The following STARD13 variants were observed in gnomAD, a reference collection of about 807,000 sequenced individuals.
STARD13 encodes StAR related lipid transfer domain containing 13.
A neutral mutation model predicts 106.4 loss-of-function variants in STARD13; 62 were observed. That is an observed-to-expected ratio of 0.58 (90% CI 0.48 to 0.72). STARD13 has a LOEUF of 0.72. Ranked by LOEUF, STARD13 falls within the 30% of genes least tolerant of loss-of-function variation. STARD13 has a pLI of 0.00. For synonymous variants in STARD13, 565 were observed against 553.0 expected (o/e 1.02, Z -0.31); for missense variants, 1,387 against 1,424.0 (o/e 0.97, Z 0.42).
At chr13:33,393,307 C>T in the STARD13 span, among the ~76,000 whole-genome samples, 1 of 152,002 alleles carries the variant, frequency 6.6e-6, no homozygotes, top group Non-Finnish European at 1.5e-5. Context: ...ATGCAAAAAC[C>T]CAGGTTAGAT....
At chr13:33,475,434 T>A in the STARD13 span, among the ~76,000 whole-genome samples, 2 of 152,160 alleles carry the variant, frequency 1.3e-5, no homozygotes, top group Admixed American at 6.5e-5. Flanking sequence ...TCCTACGCAT[T>A]TCCAACAATT....
chr13:33,545,830 C>T, the STARD13 span, among the ~76,000 whole-genome samples: 1 of 152,196 alleles, frequency 6.6e-6, no homozygotes, highest in African/African-American at 2.4e-5. Flanking sequence ...TGGAAACAGC[C>T]TGAGGCCCTC....
chr13:33,175,615 T>C (rs1464660031), intron 1 of STARD13, among the ~76,000 whole-genome samples: 1 of 152,148 alleles, frequency 6.6e-6, no homozygotes, highest in East Asian at 1.9e-4. Flanking sequence ...TTCCACAAAA[T>C]TGGCCAAATG....
chr13:33,104,803 C>T lies in STARD13; in HGVS notation c.*790G>A, dbSNP rs930313308. On this transcript the variant is annotated 3_prime_UTR_variant, in exon 14 of 14. Transcript: ENST00000336934. ...CTGTTTCAGTCACTCTCGCTGACTC[C>T]GGTGGTCCATATCTCACTGAAATTC... 2.4e-4 allele frequency: 37 copies of T among 153,586 alleles called. No homozygotes were observed. Among genetic ancestry groups the T allele is most frequent in the African/African-American group, 8.7e-4 (36 of 41,522 alleles). 9.5% of individuals were successfully genotyped at this position (153,586 alleles called of 1,614,324 possible).
intron 1 of STARD13, among the ~76,000 whole-genome samples, chr13:33,302,769 G>T (rs138912101): frequency 6.6e-6 from 1 of 152,246 alleles, no homozygotes; most frequent in African/African-American, 2.4e-5. Context: ...TCAATTTACA[G>T]ATGAGGAAAC....
At chr13:33,227,746 G>A (rs959407379) in intron 1 of STARD13, among the ~76,000 whole-genome samples, 5 of 152,126 alleles carry the variant, frequency 3.3e-5, no homozygotes, top group African/African-American at 1.2e-4. Flanking sequence ...GACAAAATGA[G>A]GCACACTTCC....
At chr13:33,112,519 C>T (rs190847946) in intron 9 of STARD13, among the ~76,000 whole-genome samples, 1 of 152,228 alleles carries the variant, frequency 6.6e-6, no homozygotes, top group Admixed American at 6.5e-5. Flanking sequence ...ATCTATTTAG[C>T]TGTCATCTAT....
At chr13:33,566,058 A>G in the STARD13 span, among the ~76,000 whole-genome samples, 7 of 148,446 alleles carry the variant, frequency 4.7e-5, 1 homozygote, top group African/African-American at 1.2e-4. Flanking sequence ...TAAACAATTC[A>G]TAAGTGTTAA....
At chr13:33,514,739 A>G in the STARD13 span, among the ~76,000 whole-genome samples, 1 of 152,116 alleles carries the variant, frequency 6.6e-6, no homozygotes. Context: ...CTACACCACA[A>G]TATGGACAGT....
rs200878247 is a variant in STARD13 at position 33,111,821 on chromosome 13, T to C, written c.2564A>G (p.Gln855Arg). Reference protein sequence around the residue: ...KDLNENLAAAQGLAHMIMECD... With the variant: ...KDLNENLAAARGLAHMIMECD... ...TTCCATGATCATGTGCGCTAGCCCC[T>C]GAGCTGCTGCCAGATTCTCGTTGAG... The change falls in exon 10 of 14, where the codon CAG (glutamine) becomes CGG (arginine). Residue 855 changes from glutamine to arginine, a missense_variant. By Grantham distance (43) the Gln-to-Arg change is conservative. Transcript: ENST00000336934. The C allele has an allele frequency of 6.2e-7, 1 of 1,614,142 alleles. No individual in the cohort carries two copies. The highest frequency in any genetic ancestry group is 1.7e-5 in the Admixed American group (1 of 60,026).
At chr13:33,518,704 T>G in the STARD13 span, among the ~76,000 whole-genome samples, 1 of 151,956 alleles carries the variant, frequency 6.6e-6, no homozygotes, top group Non-Finnish European at 1.5e-5. Context: ...TCACACTCAC[T>G]CTCCAGGAAC....
upstream of STARD13, among the ~76,000 whole-genome samples, chr13:33,351,032 G>C (rs1280632894): frequency 3.3e-5 from 5 of 152,152 alleles, no homozygotes; most frequent in Non-Finnish European, 5.9e-5. Flanking sequence ...CTTGAAGTCA[G>C]CTACTCGGTT....
Position 33,169,673 on chromosome 13 carries a change from G to A in STARD13, c.170-2051C>T, listed in dbSNP as rs114072610. Among the ~76,000 whole-genome samples, 568 of 152,266 alleles carry A rather than the reference G, an allele frequency of 3.7e-3. 4 individuals are homozygous for A. The highest frequency in any genetic ancestry group is 0.013 in the African/African-American group (536 of 41,548). ...TTACCTTTACTACAATGAAAATGTAGTGTTCAGCAAGACAGTCCCAGAGAG... is the reference window on the plus strand; with the variant it reads ...TTACCTTTACTACAATGAAAATGTAATGTTCAGCAAGACAGTCCCAGAGAG... On this transcript the variant is annotated intron_variant, in intron 1 of 13. Transcript: ENST00000336934.
chr13:33,262,649 C>A (rs1296415466), intron 1 of STARD13, among the ~76,000 whole-genome samples: 3 of 105,998 alleles, frequency 2.8e-5, no homozygotes, highest in South Asian at 2.9e-4. Context: ...CCCCCCCCCC[C>A]ACACACACAC....
intron 2 of STARD13, among the ~76,000 whole-genome samples, chr13:33,166,248 G>C (rs1023235573): frequency 1.3e-5 from 2 of 152,180 alleles, no homozygotes; most frequent in African/African-American, 4.8e-5. Flanking sequence ...AATCATGTGA[G>C]TGACTTACAG....
intron 8 of STARD13, 114 bp downstream of exon 8, chr13:33,117,951 C>T (rs1193130160): frequency 2.0e-6 from 3 of 1,530,316 alleles, no homozygotes; most frequent in Admixed American, 2.0e-5. Context: ...GGATTACATA[C>T]ATCTTTATGG....
chr13:33,600,365 C>T, the STARD13 span, among the ~76,000 whole-genome samples: 23 of 151,972 alleles, frequency 1.5e-4, no homozygotes, highest in Admixed American at 1.4e-3. Flanking sequence ...TAAATATAGC[C>T]CGTGTAAAAT....
chr13:33,153,974 G>A (rs1881629985), intron 3 of STARD13, among the ~76,000 whole-genome samples: 1 of 152,210 alleles, frequency 6.6e-6, no homozygotes, highest in Admixed American at 6.5e-5. Flanking sequence ...AGGCAAGTCA[G>A]GGAGCAGCTC....
chr13:33,362,728 T>C, the STARD13 span, among the ~76,000 whole-genome samples: 1 of 152,242 alleles, frequency 6.6e-6, no homozygotes, highest in Non-Finnish European at 1.5e-5. Flanking sequence ...CTGACCATTT[T>C]ATGATCAAAC....
Sources: gnomAD v4.1 joint callset for allele counts (sites outside exome capture counted in the v4.1 genomes callset) on GRCh38, gnomAD v4.1.1 for gene constraint, MANE v1.5 for transcripts, NCBI Gene and HGNC (gene_info 2026-07-23, HGNC 2026-07-21) for gene names.